Variants in MARS1 observed in about 807,000 individuals in gnomAD.
MARS1 encodes the protein methionyl-tRNA synthetase 1.
MARS1 carries 80 observed loss-of-function variants against 119.5 expected under a neutral mutation model. That is an observed-to-expected ratio of 0.67 (90% CI 0.56 to 0.81). MARS1 has a LOEUF of 0.81. Among genes scored for constraint, MARS1 ranks in the 30% least tolerant of loss-of-function variants. The pLI, the probability that MARS1 is intolerant of heterozygous loss-of-function variation, is 0.00. For missense variants in MARS1, 945 were observed against 1,116.5 expected, an observed-to-expected ratio of 0.85 and a Z score of 2.19; for synonymous variants, 418 against 433.4, an observed-to-expected ratio of 0.96 and a Z score of 0.44.
At chr12:57,505,110 A>C (rs982779700) in intron 11 of MARS1, among the ~76,000 whole-genome samples, 1 of 151,422 alleles carries the variant, frequency 6.6e-6, no homozygotes, top group Non-Finnish European at 1.5e-5. Context: ...CTGCCTGCAA[A>C]CGTGTTGGGA....
rs762798881 is a variant in MARS1 at position 57,488,200 on chromosome 12, G to A, written c.109+1G>A. 1.9e-6 allele frequency: 3 copies of A among 1,608,898 alleles called. No homozygotes were observed. Among genetic ancestry groups the A allele is most frequent in the Admixed American group, 3.3e-5 (2 of 59,750 alleles). On this transcript the variant is annotated splice_donor_variant, in intron 1 of 20. Coordinates refer to ENST00000262027, the MANE Select transcript of MARS1 (RefSeq NM_004990.4). LOFTEE classifies it high-confidence loss of function. ...CTCATCAGCACTGTAGGCCCGGAAG[G>A]TACTCGTGCTGGTGCTGGTGGGCGG...
intron 9 of MARS1, among the ~76,000 whole-genome samples, chr12:57,499,385 G>A (rs1009642290): frequency 6.7e-6 from 1 of 149,794 alleles, no homozygotes. Flanking sequence ...CACGAGGTCA[G>A]GAGATCGAGA....
Position 57,489,918 on chromosome 12 carries a change from T to C in MARS1, c.437T>C (p.Ile146Thr). ...AAGGAGACAGAATCTCTAGCCGACA[T>C]TGTTTTGTGGGGAGCCCTATACCCA... ...LAGETESLAD[I>T]VLWGALYPLL... The change falls in exon 5 of 21, where the codon ATT (isoleucine) becomes ACT (threonine). Residue 146 changes from isoleucine (I) to threonine (T), a missense_variant. Ile to Thr is a moderately conservative substitution (Grantham distance 89, BLOSUM62 -1). Coordinates refer to ENST00000262027, the MANE Select transcript of MARS1 (RefSeq NM_004990.4). 8.1e-6 allele frequency: 13 copies of C among 1,614,134 alleles called. No homozygotes were observed. Among genetic ancestry groups the C allele is most frequent in the Non-Finnish European group, 1.0e-5 (12 of 1,179,992 alleles).
rs781462684 is a variant in MARS1 at position 57,511,751 on chromosome 12, G to C, written c.1422G>C (p.Trp474Cys). The C allele has an allele frequency of 7.4e-6, 12 of 1,614,080 alleles. No homozygotes were observed. In the Admixed American group the frequency reaches 1.5e-4, roughly 20 times the overall value. ...GGAGGACATTGCCTGGCAGTGACTG[G>C]ACACCCAATGCCCAGTTTATCACCC... The part of the protein sequence containing the change: ...WLGRTLPGSD[W>C]TPNAQFITRS... Residue 474 changes from tryptophan (W) to cysteine (C), a missense_variant, in exon 12 of 21, where the codon TGG (tryptophan) becomes TGC (cysteine). By Grantham distance (215) the Trp-to-Cys change is radical. Coordinates refer to ENST00000262027, the MANE Select transcript of MARS1 (RefSeq NM_004990.4).
At chr12:57,498,136 C>G in intron 7 of MARS1, 21 bp from the exon 8 acceptor site, 2 of 1,540,364 alleles carry the variant, frequency 1.3e-6, no homozygotes, top group Non-Finnish European at 1.8e-6. Flanking sequence ...ATGCACTGTT[C>G]TCTTCCTCTT....
At chr12:57,489,784 T>G in intron 4 of MARS1, 112 bp from the exon 5 acceptor site, 1 of 1,107,314 alleles carries the variant, frequency 9.0e-7, no homozygotes, top group Non-Finnish European at 1.4e-6. Flanking sequence ...TCATATAAAG[T>G]GCTTAATACA....
Position 57,489,568 on chromosome 12 carries a change from GTC to G in MARS1, c.414+12_414+13del. 1 of 1,614,054 alleles carries G rather than the reference GTC, an allele frequency of 6.2e-7. No homozygotes were observed. The highest frequency in any genetic ancestry group is 2.2e-5 in the East Asian group (1 of 44,876). On this transcript the variant is annotated intron_variant, in intron 4 of 20. Transcript: ENST00000262027. ...TCCTTTCCTGGCTGGGGTGAGTTGG[GTC>G]TTGAGATGAGGACTGGGGAAGGCTT...
chr12:57,501,999 C>CA (rs148848020), intron 10 of MARS1, among the ~76,000 whole-genome samples: 4,159 of 146,604 alleles, frequency 0.028, 177 homozygotes, highest in African/African-American at 0.092. Flanking sequence ...CCCCCTCCAC[C>CA]AAAAAAAAAA....
At chr12:57,493,889 T>C (rs1876416077) in intron 7 of MARS1, among the ~76,000 whole-genome samples, 2 of 59,070 alleles carry the variant, frequency 3.4e-5, no homozygotes, top group Non-Finnish European at 5.7e-5. Flanking sequence ...ATATATAATA[T>C]ATATTTATGT....
Position 57,516,500 on chromosome 12 carries a change from GA to G in MARS1, c.2625del (p.Lys875AsnfsTer5), listed in dbSNP as rs1877842941. ...AGAACGAGGTTGCTGCGGAGGTGGC[GA>G]AACTCTTGGATCTAAAGAAACAGTT... ...DKNEVAAEVA[K>X]LLDLKKQLAV... On this transcript the variant is annotated frameshift_variant, in exon 21 of 21. Coordinates refer to ENST00000262027, the MANE Select transcript of MARS1 (RefSeq NM_004990.4). LOFTEE classifies it high-confidence loss of function. The G allele has an allele frequency of 6.2e-7, 1 of 1,613,784 alleles. No individual in the cohort carries two copies. Among genetic ancestry groups the G allele is most frequent in the Non-Finnish European group, 8.5e-7 (1 of 1,179,930 alleles).
chr12:57,495,445 C>T (rs2620677), intron 7 of MARS1, among the ~76,000 whole-genome samples: 26,858 of 151,162 alleles, frequency 0.18, 2,593 homozygotes, highest in East Asian at 0.27. Flanking sequence ...AGACCATGGG[C>T]GGCCAGGCAG....
rs529472895 is a variant in MARS1, at chr12:57,494,552, G to C, written c.771-3605G>C. Among the ~76,000 whole-genome samples the C allele has an allele frequency of 3.2e-3, 467 of 147,910 alleles. 2 individuals carry two copies. The highest frequency in any genetic ancestry group is 4.2e-3 in the Admixed American group (62 of 14,684). The stretch of plus-strand genomic sequence containing the variant: ...ATTGATCATTATTGGGTGTTTCTCG[G>C]AGAGGGGGATTTGGCAGGGTCATAG... On this transcript the variant is annotated intron_variant, in intron 7 of 20. Transcript: ENST00000262027.
chr12:57,490,235 C>G lies in MARS1; in HGVS notation c.519C>G (p.Phe173Leu). Residue 173 changes from phenylalanine (F) to leucine (L), a missense_variant, in exon 6 of 21, where the codon TTC becomes TTG. Physicochemically the swap from Phe to Leu is conservative, Grantham distance 22. Transcript: ENST00000262027. ...AGCTGAGTGCCCTGCACAGCTGGTT[C>G]CAGACACTGAGTACCCAGGAACCAT... ...PEELSALHSW[F>L]QTLSTQEPCQ... The G allele has an allele frequency of 6.2e-7, 1 of 1,613,864 alleles. No homozygotes were observed. The highest frequency in any genetic ancestry group is 8.5e-7 in the Non-Finnish European group (1 of 1,179,990).
In MARS1 at chr12:57,512,334, C is replaced by T. The variant is rs1565650760; in HGVS notation, c.1734C>T (p.Val578=). Residue 578 remains valine, a synonymous_variant, in exon 14 of 21, where the codon GTC becomes GTT. Transcript: ENST00000262027. ...ALGAEDNYTL[V]SHLIATEYLN... is the part of the protein sequence containing the mutation. Reference sequence around the variant, plus strand: ...GAGCTGAGGATAACTATACCTTGGTCAGCCACCTCATTGCTACAGGTAAGT... The same window carrying T: ...GAGCTGAGGATAACTATACCTTGGTTAGCCACCTCATTGCTACAGGTAAGT... 2.5e-6 allele frequency: 4 copies of T among 1,613,606 alleles called. No homozygotes were observed. Among genetic ancestry groups the T allele is most frequent in the Non-Finnish European group, 3.4e-6 (4 of 1,179,552 alleles).
rs781497017 is a variant in MARS1 at position 57,512,220 on chromosome 12, A to G, written c.1636-16A>G. On this transcript the variant is annotated splice_polypyrimidine_tract_variant and intron_variant, in intron 13 of 20. Transcript: ENST00000262027. ...AAGGAGGTCTCAGGAAATCTCTCCTAACCACATTCCCCTAGGTGGACCTGT... is the reference window on the plus strand; with the variant it reads ...AAGGAGGTCTCAGGAAATCTCTCCTGACCACATTCCCCTAGGTGGACCTGT... The G allele has an allele frequency of 1.1e-5, 17 of 1,610,636 alleles. No individual in the cohort carries two copies. The highest frequency in any genetic ancestry group is 1.4e-5 in the Non-Finnish European group (17 of 1,176,992).
At chr12:57,499,911 A>G (rs1467190346) in intron 9 of MARS1, among the ~76,000 whole-genome samples, 2 of 152,194 alleles carry the variant, frequency 1.3e-5, no homozygotes, top group Non-Finnish European at 2.9e-5. Context: ...AACAAACAAA[A>G]AAACCCCCAA....
At chr12:57,511,230 G>A (rs540788963) in intron 11 of MARS1, among the ~76,000 whole-genome samples, 24 of 152,128 alleles carry the variant, frequency 1.6e-4, no homozygotes, top group Non-Finnish European at 2.6e-4. Context: ...ATCCTCCTGC[G>A]TCAGCCTTCG....
rs1565637319 is a variant in MARS1, at chr12:57,489,933, C to T, written c.452C>T (p.Ala151Val). Reference protein sequence around the residue: ...ESLADIVLWGALYPLLQDPAY... With the variant: ...ESLADIVLWGVLYPLLQDPAY... Reference sequence around the variant, plus strand: ...CTAGCCGACATTGTTTTGTGGGGAGCCCTATACCCATTACTGCAAGATCCC... The same window carrying T: ...CTAGCCGACATTGTTTTGTGGGGAGTCCTATACCCATTACTGCAAGATCCC... The change falls in exon 5 of 21, where the codon GCC (alanine) becomes GTC (valine). Residue 151 changes from alanine to valine, a missense_variant. Transcript: ENST00000262027. 1 of 1,614,110 alleles carries T rather than the reference C, an allele frequency of 6.2e-7. No homozygotes were observed. The highest frequency in any genetic ancestry group is 2.2e-5 in the East Asian group (1 of 44,884).
rs146146070 is a variant in MARS1 at position 57,490,620 on chromosome 12, C to T, written c.746C>T (p.Pro249Leu). The change falls in exon 7 of 21, where the codon CCG becomes CTG. Residue 249 changes from proline (P) to leucine (L), a missense_variant. Physicochemically the swap from Pro to Leu is moderately conservative, Grantham distance 98. Transcript: ENST00000262027. ...GAGAAGGGCCTAGAAAGTTTGCCCCCGCTGCGGCCCCAGCAGAATCCAGTG... is the reference window on the plus strand; with the variant it reads ...GAGAAGGGCCTAGAAAGTTTGCCCCTGCTGCGGCCCCAGCAGAATCCAGTG... ...AWEKGLESLP[P>L]LRPQQNPVLP... 8.6e-5 allele frequency: 139 copies of T among 1,613,998 alleles called. 1 individual carries two copies. In the African/African-American group the frequency reaches 1.3e-3, roughly 15 times the overall value.
Sources: allele counts gnomAD v4.1 joint callset (sites outside exome capture counted in the v4.1 genomes callset), GRCh38; gene constraint gnomAD v4.1.1; transcripts MANE v1.5; gene names NCBI Gene and HGNC (gene_info 2026-07-23, HGNC 2026-07-21).